Variants in KIF13A observed in about 807,000 individuals in gnomAD.
KIF13A encodes the protein kinesin-like protein KIF13A.
In KIF13A, 79 loss-of-function variants were observed where a neutral mutation model predicts 212.2. The ratio of observed to expected loss-of-function variants is 0.37; its 90% CI spans 0.31 to 0.45. The LOEUF (loss-of-function observed/expected upper bound fraction) is 0.45. KIF13A is among the 20% of genes least tolerant of loss of function. The probability of loss-of-function intolerance (pLI) is 1.00; values close to 1 mark genes in which losing one functional copy is unlikely to be tolerated. For synonymous variants in KIF13A, 789 were observed against 808.6 expected (o/e 0.98, Z 0.41); for missense variants, 1,901 against 2,209.0 (o/e 0.86, Z 2.79).
rs112025854 is a variant in KIF13A at position 17,838,964 on chromosome 6, C to T, written c.831-1381G>A. 0.093 allele frequency among the ~76,000 whole-genome samples: 14,083 copies of T among 152,096 alleles called. 820 individuals carry two copies. Among genetic ancestry groups the T allele is most frequent in the African/African-American group, 0.14 (5,970 of 41,470 alleles). The stretch of plus-strand genomic sequence containing the variant: ...CCTCCTGAGTAGCTGGGATTACAGG[C>T]GCCCGCCACCACATCTGGCTGATTT... On this transcript the variant is annotated intron_variant, in intron 9 of 38. Coordinates refer to ENST00000259711, the MANE Select transcript of KIF13A (RefSeq NM_022113.6). This position sits in a 1 kb window ranked among gnomAD's most constrained non-coding sequence, Gnocchi z 4.2.
intron 22 of KIF13A, among the ~76,000 whole-genome samples, chr6:17,797,768 C>T (rs187180503): frequency 1.4e-3 from 210 of 152,214 alleles, no homozygotes; most frequent in Admixed American, 3.6e-3. Context: ...TGTGGTGGTG[C>T]ACACCTGTAG....
downstream of KIF13A, among the ~76,000 whole-genome samples, chr6:17,761,493 C>G (rs1758584050): frequency 6.6e-6 from 1 of 152,136 alleles, no homozygotes. Flanking sequence ...CAGCGATTCT[C>G]CTGCCTCAGC....
chr6:17,925,071 G>C (rs896735364), intron 2 of KIF13A, among the ~76,000 whole-genome samples: 7 of 152,072 alleles, frequency 4.6e-5, no homozygotes, highest in Admixed American at 2.0e-4. Flanking sequence ...TCCCCCAAAA[G>C]AGAAAAAAAT....
chr6:17,939,997 G>T (rs1025925425), intron 2 of KIF13A, among the ~76,000 whole-genome samples: 2 of 141,410 alleles, frequency 1.4e-5, no homozygotes, highest in Non-Finnish European at 3.0e-5. Flanking sequence ...CCGAGATCGC[G>T]CCACTACACA....
intron 2 of KIF13A, among the ~76,000 whole-genome samples, chr6:17,985,025 ATGCATTTGGTGTCTTCATCTG>A (rs1376974952): frequency 6.6e-6 from 1 of 152,216 alleles, no homozygotes; most frequent in Admixed American, 6.5e-5. Context: ...GAAAATAAAA[ATGCATTTGGTGTCTTCATCTG>A]TGCAAAGACA....
In KIF13A at chr6:17,926,717, G is replaced by C. The variant is rs976416772; in HGVS notation, c.147-28537C>G. On this transcript the variant is annotated intron_variant, in intron 2 of 38. Coordinates refer to ENST00000259711, the MANE Select transcript of KIF13A (RefSeq NM_022113.6). The surrounding 1 kb of genome is among the most constrained non-coding windows in gnomAD (Gnocchi z 4.3). ...TACTTATAATCTCAGAGTGTAATAA[G>C]TGGAGAATGTTTAAGTATATTAGGA... Among the ~76,000 whole-genome samples, 13 of 152,150 alleles carry C rather than the reference G, an allele frequency of 8.5e-5. No individual in the cohort carries two copies. Among genetic ancestry groups the C allele is most frequent in the Admixed American group, 5.2e-4 (8 of 15,276 alleles).
Position 17,872,787 on chromosome 6 carries a change from C to G in KIF13A, c.220+590G>C, listed in dbSNP as rs1770140896. Among the ~76,000 whole-genome samples, 2 of 152,044 alleles carry G rather than the reference C, an allele frequency of 1.3e-5. No individual in the cohort carries two copies. Among genetic ancestry groups the G allele is most frequent in the African/African-American group, 2.4e-5 (1 of 41,404 alleles). ...AGTAGCTGGGATTACAGGCGCCCAC[C>G]ACCACACCTGAATAAGTTTTGTATG... On this transcript the variant is annotated intron_variant, in intron 4 of 38. Coordinates refer to ENST00000259711, the MANE Select transcript of KIF13A (RefSeq NM_022113.6). The surrounding 1 kb of genome is among the most constrained non-coding windows in gnomAD (Gnocchi z 4.7).
chr6:17,807,762 G>C (rs1763089573), intron 18 of KIF13A, among the ~76,000 whole-genome samples: 1 of 147,190 alleles, frequency 6.8e-6, no homozygotes, highest in African/African-American at 2.4e-5. Context: ...TTGAGGCTCA[G>C]GTGGACATCA....
At chr6:17,821,865 G>A (rs1764483832) in intron 16 of KIF13A, 1 of 1,535,162 alleles carries the variant, frequency 6.5e-7, no homozygotes, top group African/African-American at 1.4e-5. Flanking sequence ...ACCACCAAGG[G>A]GATGACCACC....
intron 20 of KIF13A, among the ~76,000 whole-genome samples, chr6:17,800,747 C>T (rs150145912): frequency 6.6e-6 from 1 of 151,892 alleles, no homozygotes; most frequent in Non-Finnish European, 1.5e-5. Flanking sequence ...ATTACAGGTG[C>T]CTGCCACCAT....
In KIF13A at chr6:17,829,525, T is replaced by C. The variant is rs10949457; in HGVS notation, c.1402-1155A>G. Among the ~76,000 whole-genome samples the C allele has an allele frequency of 0.48, 72,286 of 152,030 alleles. 17,940 individuals carry two copies. The highest frequency in any genetic ancestry group is 0.54 in the South Asian group (2,611 of 4,818). ...ATAGCGTCCAATACAGTAAACACAC[T>C]GCACCTGGCCTCATGTGATTTTAAG... On this transcript the variant is annotated intron_variant, in intron 13 of 38. Transcript: ENST00000259711. The surrounding 1 kb of genome is among the most constrained non-coding windows in gnomAD (Gnocchi z 5.4).
Position 17,783,581 on chromosome 6 carries a change from A to T in KIF13A, c.3544+65T>A. On this transcript the variant is annotated intron_variant, in intron 29 of 38. Transcript: ENST00000259711. This position sits in a 1 kb window ranked among gnomAD's most constrained non-coding sequence, Gnocchi z 4.3. Reference sequence around the variant, plus strand: ...GTGATTTAAGGATCAAAATAATGTGAATCTGGATAGATTACAAACCTTAGT... The same window carrying T: ...GTGATTTAAGGATCAAAATAATGTGTATCTGGATAGATTACAAACCTTAGT... 1 of 1,059,218 alleles carries T rather than the reference A, an allele frequency of 9.4e-7. No homozygotes were observed. 65.6% of individuals were successfully genotyped at this position (1,059,218 alleles called of 1,614,324 possible). A position where few individuals can be genotyped will look rare whatever the true frequency, so the allele number is the denominator to read the frequency against.
chr6:17,946,937 C>T (rs1581814549), intron 2 of KIF13A, among the ~76,000 whole-genome samples: 1 of 152,164 alleles, frequency 6.6e-6, no homozygotes, highest in African/African-American at 2.4e-5. Context: ...GGCGGTTGCA[C>T]AACTGTATAT....
chr6:17,926,834 A>G lies in KIF13A; in HGVS notation c.147-28654T>C, dbSNP rs1054796442. On this transcript the variant is annotated intron_variant, in intron 2 of 38. Coordinates refer to ENST00000259711, the MANE Select transcript of KIF13A (RefSeq NM_022113.6). This position sits in a 1 kb window ranked among gnomAD's most constrained non-coding sequence, Gnocchi z 4.3. ...CCAACAATTCCACTTCTGGGAATAT[A>G]CCCAAAAGAAGAGAAAGCAGGGACT... Among the ~76,000 whole-genome samples, 1 of 152,114 alleles carries G rather than the reference A, an allele frequency of 6.6e-6. No homozygotes were observed.
Position 17,855,389 on chromosome 6 carries a change from A to G in KIF13A, c.494+48T>C, listed in dbSNP as rs930086895. Reference sequence around the variant, plus strand: ...TCCAATTTTAACTTTAGAATCATTTAAAATTATCTCCCCCTATTAACACAC... The same window carrying G: ...TCCAATTTTAACTTTAGAATCATTTGAAATTATCTCCCCCTATTAACACAC... On this transcript the variant is annotated intron_variant, in intron 6 of 38. Coordinates refer to ENST00000259711, the MANE Select transcript of KIF13A (RefSeq NM_022113.6). The surrounding 1 kb of genome is among the most constrained non-coding windows in gnomAD (Gnocchi z 4.1). 7.3e-7 allele frequency: 1 copy of G among 1,377,234 alleles called. No individual in the cohort carries two copies. The highest frequency in any genetic ancestry group is 1.0e-6 in the Non-Finnish European group (1 of 1,000,688). The allele number at this position is 1,377,234 out of a possible 1,614,324, so 85.3% of individuals were successfully genotyped here. A position where few individuals can be genotyped will look rare whatever the true frequency, so the allele number is the denominator to read the frequency against.
At position 17,839,240 on chromosome 6, in the gene KIF13A, T is replaced by G. The variant is rs969218636; in HGVS notation, c.831-1657A>C. Among the ~76,000 whole-genome samples, 1 of 152,234 alleles carries G rather than the reference T, an allele frequency of 6.6e-6. No homozygotes were observed. The highest frequency in any genetic ancestry group is 2.4e-5 in the African/African-American group (1 of 41,462). On this transcript the variant is annotated intron_variant, in intron 9 of 38. Coordinates refer to ENST00000259711, the MANE Select transcript of KIF13A (RefSeq NM_022113.6). The surrounding 1 kb of genome is among the most constrained non-coding windows in gnomAD (Gnocchi z 4.3). ...GTAACAAAATTGCACTTGTACCCCA[T>G]ACATTTATCCACAAAAATGTACATC...
Position 17,774,880 on chromosome 6 carries a change from A to G in KIF13A, c.4218+135T>C, listed in dbSNP as rs1267965690. ...CTTACAATTAAGATGGGAAGCCCAG[A>G]GATTTTTCTTTTTCTTTTTTTTTAA... On this transcript the variant is annotated intron_variant, in intron 35 of 38. Transcript: ENST00000259711. The G allele has an allele frequency of 6.9e-6, 4 of 578,502 alleles. No individual in the cohort carries two copies. The East Asian group carries it at 1.2e-4, about 18-fold the overall frequency. 35.8% of individuals were successfully genotyped at this position (578,502 alleles called of 1,614,324 possible).
At chr6:17,797,471 G>T (rs950678770) in intron 22 of KIF13A, among the ~76,000 whole-genome samples, 3 of 152,162 alleles carry the variant, frequency 2.0e-5, no homozygotes, top group African/African-American at 7.2e-5. Context: ...ATTTTCAGCT[G>T]GCATAGACTA....
rs1056559704 is a variant in KIF13A, at chr6:17,826,239, G to T, written c.1533-115C>A. The T allele has an allele frequency of 1.2e-5, 9 of 721,918 alleles. No individual in the cohort carries two copies. In the Admixed American group the frequency reaches 1.3e-4, roughly 10 times the overall value. The allele number at this position is 721,918 out of a possible 1,614,324, so 44.7% of individuals were successfully genotyped here. On this transcript the variant is annotated intron_variant, in intron 14 of 38. Coordinates refer to ENST00000259711, the MANE Select transcript of KIF13A (RefSeq NM_022113.6). This position sits in a 1 kb window ranked among gnomAD's most constrained non-coding sequence, Gnocchi z 4.7. ...TCTTAATAAATGCATTCCAACTAAC[G>T]CTTAAAGAAGGAAGAGCAGAATGTG...
Sources: allele counts gnomAD v4.1 joint callset (sites outside exome capture counted in the v4.1 genomes callset), GRCh38; gene constraint gnomAD v4.1.1; non-coding constraint Gnocchi (gnomAD v3.1); transcripts MANE v1.5; gene names NCBI Gene and HGNC (gene_info 2026-07-23, HGNC 2026-07-21).